LIMA1: variants seen among roughly 807,000 people sequenced by gnomAD.
LIMA1 encodes LIM domain and actin-binding protein 1.
LIMA1 carries 52 observed loss-of-function variants against 62.6 expected under a neutral mutation model. The ratio of observed to expected loss-of-function variants is 0.83; its 90% confidence interval spans 0.67 to 1.05. The LOEUF is 1.05. LIMA1 is among the 50% of genes least tolerant of loss of function. The pLI, the probability that LIMA1 is intolerant of heterozygous loss-of-function variation, is 0.00. For synonymous variants in LIMA1, 302 were observed against 317.8 expected (o/e 0.95, Z 0.53); for missense variants, 780 against 902.2 (o/e 0.86, Z 1.74).
intron 9 of LIMA1, among the ~76,000 whole-genome samples, chr12:50,185,105 C>T (rs1052708844): frequency 1.2e-4 from 19 of 152,190 alleles, no homozygotes; most frequent in African/African-American, 4.6e-4. Flanking sequence ...GCTGGGATTA[C>T]AGGTGTGAGC....
At chr12:50,200,174 C>A (rs1440649871) in intron 7 of LIMA1, among the ~76,000 whole-genome samples, 1 of 152,012 alleles carries the variant, frequency 6.6e-6, no homozygotes, top group Non-Finnish European at 1.5e-5. Flanking sequence ...GGATTACAGG[C>A]GTGAGCCACC....
At chr12:50,271,553 A>G (rs1169953137) in intron 1 of LIMA1, among the ~76,000 whole-genome samples, 2 of 152,150 alleles carry the variant, frequency 1.3e-5, no homozygotes, top group East Asian at 1.9e-4. Flanking sequence ...TAGTAAGAAA[A>G]ATCTCTTTCA....
chr12:50,247,710 G>A (rs868205177), intron 2 of LIMA1, among the ~76,000 whole-genome samples: 1 of 151,490 alleles, frequency 6.6e-6, no homozygotes, highest in Non-Finnish European at 1.5e-5. Flanking sequence ...TGCAACCTCC[G>A]CCTCCTGGGT....
chr12:50,242,919 A>G (rs1041387305), intron 2 of LIMA1, among the ~76,000 whole-genome samples: 3 of 152,230 alleles, frequency 2.0e-5, no homozygotes, highest in African/African-American at 7.2e-5. Flanking sequence ...TTCAATTAAG[A>G]TAGTTTAAAA....
intron 6 of LIMA1, among the ~76,000 whole-genome samples, chr12:50,203,562 T>C (rs1375121134): frequency 6.6e-6 from 1 of 151,978 alleles, no homozygotes; most frequent in African/African-American, 2.4e-5. Flanking sequence ...TACAGGTGCC[T>C]GCCACCATGC....
intron 6 of LIMA1, chr12:50,202,156 C>T (rs765490162): frequency 4.6e-5 from 7 of 152,250 alleles, no homozygotes; most frequent in Non-Finnish European, 8.8e-5. Flanking sequence ...GCAGCTAGCA[C>T]TGCAGAACAT....
At chr12:50,254,005 G>A (rs996115704) in intron 1 of LIMA1, among the ~76,000 whole-genome samples, 17 of 143,544 alleles carry the variant, frequency 1.2e-4, no homozygotes, top group African/African-American at 4.2e-4. Flanking sequence ...TCCAGCCTGG[G>A]CGACAGAGCG....
Position 50,176,554 on chromosome 12 carries a change from T to G in LIMA1, c.*510A>C, listed in dbSNP as rs889432306. ...CAGCAAGAAAATTAACCTAAAAAATTTAAAGACTAAATAATCTCTTAACAG... is the reference window on the plus strand; with the variant it reads ...CAGCAAGAAAATTAACCTAAAAAATGTAAAGACTAAATAATCTCTTAACAG... On this transcript the variant is annotated 3_prime_UTR_variant, in exon 11 of 11. Coordinates refer to ENST00000341247, the MANE Select transcript of LIMA1 (RefSeq NM_016357.5). 7 of 152,660 alleles carry G rather than the reference T, an allele frequency of 4.6e-5. No homozygotes were observed. The highest frequency in any genetic ancestry group is 1.0e-4 in the Non-Finnish European group (7 of 68,088). The allele number at this position is 152,660 out of a possible 1,614,324, so 9.5% of individuals were successfully genotyped here.
Position 50,283,474 on chromosome 12 carries a change from G to T in LIMA1, c.-78C>A, listed in dbSNP as rs1189130169. On this transcript the variant is annotated 5_prime_UTR_variant, in exon 1 of 11. Transcript: ENST00000341247. ...GCTACCAGCCCTGTCACAGGTCCCG[G>T]CGCTCTACCTAGCGCACCTGTCGCG... 1 of 152,282 alleles carries T rather than the reference G, an allele frequency of 6.6e-6. No individual in the cohort carries two copies. The highest frequency in any genetic ancestry group is 1.5e-5 in the Non-Finnish European group (1 of 68,144). 9.4% of individuals were successfully genotyped at this position (152,282 alleles called of 1,614,324 possible).
intron 1 of LIMA1, among the ~76,000 whole-genome samples, chr12:50,271,143 C>T (rs1020684646): frequency 2.6e-5 from 4 of 152,066 alleles, no homozygotes; most frequent in South Asian, 4.1e-4. Flanking sequence ...CTGTGGCTTA[C>T]GCCTGTAATC....
chr12:50,265,475 A>C (rs1328983421), intron 1 of LIMA1, among the ~76,000 whole-genome samples: 1 of 151,844 alleles, frequency 6.6e-6, no homozygotes, highest in Non-Finnish European at 1.5e-5. Flanking sequence ...AGCCAAGATC[A>C]CACCATTGCA....
intron 1 of LIMA1, among the ~76,000 whole-genome samples, chr12:50,261,138 C>T (rs543327831): frequency 4.7e-4 from 68 of 143,202 alleles, no homozygotes; most frequent in African/African-American, 1.6e-3. Flanking sequence ...CTGCAAGCTC[C>T]GCCTCCCGGG....
At chr12:50,181,209 G>A (rs938167745) in intron 10 of LIMA1, among the ~76,000 whole-genome samples, 6 of 151,902 alleles carry the variant, frequency 3.9e-5, no homozygotes, top group African/African-American at 1.5e-4. Flanking sequence ...GTACACTTTG[G>A]CTGCATGTTT....
chr12:50,216,282 T>G (rs1941344343), intron 4 of LIMA1, among the ~76,000 whole-genome samples: 1 of 151,896 alleles, frequency 6.6e-6, no homozygotes, highest in African/African-American at 2.4e-5. Flanking sequence ...TGGTGTCATC[T>G]CAGCTCACTG....
intron 2 of LIMA1, among the ~76,000 whole-genome samples, chr12:50,237,955 A>ACTT (rs1941719927): frequency 6.6e-6 from 1 of 152,236 alleles, no homozygotes; most frequent in Admixed American, 6.5e-5. Flanking sequence ...ACCTAACTAT[A>ACTT]AGAGCTGAAA....
chr12:50,215,754 C>T (rs140574867), intron 4 of LIMA1, among the ~76,000 whole-genome samples: 1 of 152,002 alleles, frequency 6.6e-6, no homozygotes, highest in Non-Finnish European at 1.5e-5. Context: ...ATTACAGGCG[C>T]GAGCCACCGC....
At chr12:50,210,046 G>A (rs1175331426) in intron 4 of LIMA1, among the ~76,000 whole-genome samples, 2 of 152,190 alleles carry the variant, frequency 1.3e-5, no homozygotes, top group Non-Finnish European at 2.9e-5. Context: ...TCCAAATGCT[G>A]CTGCACTGGA....
chr12:50,185,448 G>C (rs994818043), intron 9 of LIMA1: 8 of 456,090 alleles, frequency 1.8e-5, no homozygotes, highest in African/African-American at 1.4e-4. Context: ...GGAGGCAGAA[G>C]CTGGAAGAGA....
chr12:50,205,965 C>T lies in LIMA1; in HGVS notation c.715+19G>A. The T allele has an allele frequency of 6.3e-7, 1 of 1,595,100 alleles. No homozygotes were observed. Among genetic ancestry groups the T allele is most frequent in the Non-Finnish European group, 8.6e-7 (1 of 1,164,190 alleles). ...AGTACTTCCTAAAGGACCTCATACA[C>T]ATGGAACTCTCTGCTTACCTGGGCC... On this transcript the variant is annotated intron_variant, in intron 5 of 10. Transcript: ENST00000341247.
Sources: allele counts gnomAD v4.1 joint callset (sites outside exome capture counted in the v4.1 genomes callset), GRCh38; gene constraint gnomAD v4.1.1; transcripts MANE v1.5; gene names NCBI Gene and HGNC (gene_info 2026-07-23, HGNC 2026-07-21).